Variants in SLC12A7 observed in about 807,000 individuals in gnomAD.
SLC12A7 encodes solute carrier family 12 member 7.
Under a neutral mutation model 120.6 loss-of-function variants are expected in SLC12A7, and 100 were observed. The observed-to-expected ratio is 0.83, with a 90% CI of 0.71 to 0.98. The LOEUF is 0.98. SLC12A7 is among the 50% of genes least tolerant of loss of function. SLC12A7 has a pLI of 0.00. For missense variants in SLC12A7, 1,373 were observed against 1,548.1 expected (o/e 0.89, Z 1.90); for synonymous variants, 760 against 678.0 (o/e 1.12, Z -1.88).
At chr5:1,103,135 C>T (rs1252854352) in intron 1 of SLC12A7, among the ~76,000 whole-genome samples, 1 of 152,122 alleles carries the variant, frequency 6.6e-6, no homozygotes, top group Non-Finnish European at 1.5e-5. Flanking sequence ...TGAGAACGGC[C>T]CAGTGTTCAG....
At chr5:1,096,879 AG>A (rs1353634120) in intron 1 of SLC12A7, among the ~76,000 whole-genome samples, 1 of 76,388 alleles carries the variant, frequency 1.3e-5, no homozygotes. Context: ...GGAGGGAGGG[AG>A]GGAAGGAAGA....
intron 9 of SLC12A7, among the ~76,000 whole-genome samples, chr5:1,080,863 G>C (rs181735418): frequency 2.0e-5 from 3 of 152,346 alleles, no homozygotes; most frequent in Non-Finnish European, 4.4e-5. Flanking sequence ...TCCTGACACA[G>C]GGCTGCCTGG....
chr5:1,109,609 C>T (rs1264461969), intron 1 of SLC12A7, among the ~76,000 whole-genome samples: 4 of 152,308 alleles, frequency 2.6e-5, no homozygotes, highest in Middle Eastern at 3.4e-3. Flanking sequence ...TGGGCAGACG[C>T]GGCCTTGCTG....
At chr5:1,150,942 G>A in the SLC12A7 span, among the ~76,000 whole-genome samples, 1 of 152,258 alleles carries the variant, frequency 6.6e-6, no homozygotes, top group Non-Finnish European at 1.5e-5. Flanking sequence ...CATGCAGCCA[G>A]CTGAGGACAT....
Position 1,069,548 on chromosome 5 carries a change from G to A in SLC12A7, c.2242-4070C>T, listed in dbSNP as rs879459441. Among the ~76,000 whole-genome samples the A allele has an allele frequency of 4.8e-4, 73 of 152,226 alleles. 1 individual carries two copies. The Middle Eastern group carries it at 9.5e-3, about 20-fold the overall frequency. Reference sequence around the variant, plus strand: ...ACCTCGGACACACACCACTGCAACAGGCACGTGGTATAGGCCCCACAGACT... The same window carrying A: ...ACCTCGGACACACACCACTGCAACAAGCACGTGGTATAGGCCCCACAGACT... On this transcript the variant is annotated intron_variant, in intron 17 of 23. Transcript: ENST00000264930.
At chr5:1,112,180 C>T (rs953025650), upstream of SLC12A7, 34 of 600,362 alleles carry the variant, frequency 5.7e-5, no homozygotes, top group Non-Finnish European at 7.8e-5. Flanking sequence ...TGCAGGGACC[C>T]CAACCCAGGC....
At chr5:1,123,544 C>G in the SLC12A7 span, among the ~76,000 whole-genome samples, 1 of 152,244 alleles carries the variant, frequency 6.6e-6, no homozygotes, top group Non-Finnish European at 1.5e-5. Context: ...AGCTGCCCAG[C>G]CTGGCCCCGC....
chr5:1,061,064 CCCGCCGCACCTGCCGCAT>C (rs1480266750), intron 20 of SLC12A7, among the ~76,000 whole-genome samples: 54 of 122,082 alleles, frequency 4.4e-4, no homozygotes, highest in African/African-American at 1.5e-3. Flanking sequence ...ACCCGCCGCA[CCCGCCGCACCTGCCGCAT>C]CCGCCATGCG....
In SLC12A7 at chr5:1,089,232, G is replaced by A. The variant is rs898529664; in HGVS notation, c.343-104C>T. 1.4e-5 allele frequency: 16 copies of A among 1,163,544 alleles called. No homozygotes were observed. In the Admixed American group the frequency reaches 3.3e-4, roughly 24 times the overall value. 72.1% of individuals were successfully genotyped at this position (1,163,544 alleles called of 1,614,324 possible). On this transcript the variant is annotated intron_variant, in intron 3 of 23. Coordinates refer to ENST00000264930, the MANE Select transcript of SLC12A7 (RefSeq NM_006598.3). ...CCTGGGCAGGCAAAGCGGCCGTGGGGGCAGGAGGGGGCAGGAGTCCTTCCC... is the reference window on the plus strand; with the variant it reads ...CCTGGGCAGGCAAAGCGGCCGTGGGAGCAGGAGGGGGCAGGAGTCCTTCCC...
intron 1 of SLC12A7, among the ~76,000 whole-genome samples, chr5:1,096,184 CG>C (rs1741115469): frequency 6.6e-6 from 1 of 152,196 alleles, no homozygotes; most frequent in African/African-American, 2.4e-5. Flanking sequence ...TTAGGAAATA[CG>C]CCTGTGAGAG....
At chr5:1,118,661 GGA>G in the SLC12A7 span, among the ~76,000 whole-genome samples, 54 of 152,248 alleles carry the variant, frequency 3.5e-4, no homozygotes, top group African/African-American at 1.3e-3. Context: ...CCAGGAGGAA[GGA>G]GAAAGCCTGG....
the SLC12A7 span, among the ~76,000 whole-genome samples, chr5:1,137,948 C>T: frequency 6.6e-6 from 1 of 152,224 alleles, no homozygotes. Context: ...GGAGCAGTCT[C>T]TCTTGCCGGG....
At chr5:1,120,922 T>G in the SLC12A7 span, among the ~76,000 whole-genome samples, 1 of 152,242 alleles carries the variant, frequency 6.6e-6, no homozygotes, top group East Asian at 1.9e-4. Context: ...GAAGGGCTCC[T>G]GGGCCTGCCC....
At chr5:1,060,577 A>C (rs952861172) in intron 20 of SLC12A7, 126 bp from the exon 21 acceptor site, 1 of 683,478 alleles carries the variant, frequency 1.5e-6, no homozygotes. Context: ...CCCGGGCCCC[A>C]CAGGCCCCCT....
At chr5:1,151,693 GC>G in the SLC12A7 span, among the ~76,000 whole-genome samples, 5 of 146,434 alleles carry the variant, frequency 3.4e-5, no homozygotes, top group East Asian at 6.7e-4. The surrounding 1 kb of genome is among the most constrained non-coding windows in gnomAD (Gnocchi z 6.2). Flanking sequence ...CAGGCTCAGT[GC>G]AGCCCGGGAG....
chr5:1,133,266 C>A, the SLC12A7 span, among the ~76,000 whole-genome samples: 2 of 152,222 alleles, frequency 1.3e-5, no homozygotes, highest in Non-Finnish European at 2.9e-5. Flanking sequence ...TAACCAGGCG[C>A]CCTGCGCTGG....
At position 1,076,230 on chromosome 5, in the gene SLC12A7, G is replaced by A; in HGVS notation, c.1755C>T (p.Phe585=). 2 of 1,609,724 alleles carry A rather than the reference G, an allele frequency of 1.2e-6. No homozygotes were observed. The highest frequency in any genetic ancestry group is 8.5e-7 in the Non-Finnish European group (1 of 1,178,610). The change falls in exon 14 of 24, where the codon TTC becomes TTT. Residue 585 remains phenylalanine, a synonymous_variant. Coordinates refer to ENST00000264930, the MANE Select transcript of SLC12A7 (RefSeq NM_006598.3). ...GGTTCACGAACAGGTAGCACATGAG[G>A]AAGAACCTGCAGGGACGGCCGGCCA... The part of the protein sequence containing the change: ...DSVAPILSMF[F]LMCYLFVNLA...
the SLC12A7 span, among the ~76,000 whole-genome samples, chr5:1,148,480 C>T: frequency 2.6e-4 from 40 of 152,342 alleles, 1 homozygote; most frequent in South Asian, 8.3e-3. Flanking sequence ...GCTGGTATTA[C>T]AGGCGTGAGC....
At chr5:1,153,444 G>T in the SLC12A7 span, among the ~76,000 whole-genome samples, 1 of 152,124 alleles carries the variant, frequency 6.6e-6, no homozygotes, top group Non-Finnish European at 1.5e-5. Flanking sequence ...AGGGGCCTCT[G>T]GGGGGGTCCA....
Sources: gnomAD v4.1 joint callset for allele counts (sites outside exome capture counted in the v4.1 genomes callset) on GRCh38, gnomAD v4.1.1 for gene constraint, Gnocchi (gnomAD v3.1) non-coding constraint, MANE v1.5 for transcripts, NCBI Gene and HGNC (gene_info 2026-07-23, HGNC 2026-07-21) for gene names.